LARGE1: variants seen among roughly 807,000 people sequenced by gnomAD.
LARGE1 encodes the protein xylosyl- and glucuronyltransferase LARGE1.
In LARGE1, 43 loss-of-function variants were observed where a neutral mutation model predicts 87.6. That is an observed-to-expected ratio of 0.49 (90% confidence interval 0.38 to 0.63). LARGE1 has a LOEUF of 0.63. Among genes scored for constraint, LARGE1 ranks in the 30% least tolerant of loss-of-function variants. The pLI, the probability that LARGE1 is intolerant of heterozygous loss-of-function variation, is 0.00. For missense variants in LARGE1, 802 were observed against 1,000.2 expected, an observed-to-expected ratio of 0.80 and a Z score of 2.67; for synonymous variants, 434 against 394.6, an observed-to-expected ratio of 1.10 and a Z score of -1.18.
chr22:33,410,384 T>C (rs1024223758), intron 7 of LARGE1, among the ~76,000 whole-genome samples: 8 of 151,854 alleles, frequency 5.3e-5, no homozygotes, highest in Non-Finnish European at 1.2e-4. Flanking sequence ...AATCCCCACA[T>C]GCCTAGGGAG....
chr22:33,735,928 G>A (rs534552522), intron 2 of LARGE1, among the ~76,000 whole-genome samples: 6 of 152,254 alleles, frequency 3.9e-5, no homozygotes, highest in South Asian at 4.2e-4. Flanking sequence ...TCCACGTAGC[G>A]TGTTTTCAAA....
chr22:33,349,177 G>A (rs1940115743), intron 9 of LARGE1, among the ~76,000 whole-genome samples: 1 of 152,116 alleles, frequency 6.6e-6, no homozygotes, highest in South Asian at 2.1e-4. Flanking sequence ...TTGGTTCTCA[G>A]GCCTTCAGAC....
At chr22:33,209,645 T>A (rs1292181284) in intron 11 of LARGE1, among the ~76,000 whole-genome samples, 1 of 152,114 alleles carries the variant, frequency 6.6e-6, no homozygotes, top group Non-Finnish European at 1.5e-5. Context: ...CAGTTCTCAA[T>A]CGTTTCTTTT....
chr22:33,684,127 T>G (rs1488382763), intron 2 of LARGE1, among the ~76,000 whole-genome samples: 1 of 152,150 alleles, frequency 6.6e-6, no homozygotes, highest in Non-Finnish European at 1.5e-5. Context: ...CGAACGTGCT[T>G]GCTCTTAAGT....
At chr22:33,839,172 A>G (rs2063196807) in intron 1 of LARGE1, among the ~76,000 whole-genome samples, 1 of 152,240 alleles carries the variant, frequency 6.6e-6, no homozygotes, top group Non-Finnish European at 1.5e-5. Context: ...CATCTTCTGC[A>G]CTTCTGGAGA....
intron 1 of LARGE1, among the ~76,000 whole-genome samples, chr22:33,895,931 C>T (rs62225069): frequency 0.042 from 6,405 of 151,834 alleles, 160 homozygotes; most frequent in South Asian, 0.064. Flanking sequence ...TAGTAAAATA[C>T]ACATCACATA....
chr22:33,749,578 C>T (rs1373106098), intron 2 of LARGE1, among the ~76,000 whole-genome samples: 3 of 152,132 alleles, frequency 2.0e-5, no homozygotes, highest in African/African-American at 7.2e-5. Flanking sequence ...ATAAAAAGTC[C>T]TTCTGTAATT....
intron 9 of LARGE1, among the ~76,000 whole-genome samples, chr22:33,361,100 C>A (rs2064371944): frequency 6.7e-6 from 1 of 149,206 alleles, no homozygotes; most frequent in Non-Finnish European, 1.5e-5. Context: ...GTAATCCCAG[C>A]TACTCGGGAG....
intron 1 of LARGE1, among the ~76,000 whole-genome samples, chr22:33,881,036 C>T (rs1042872049): frequency 1.3e-5 from 2 of 151,574 alleles, no homozygotes; most frequent in African/African-American, 4.8e-5. Context: ...TCCTTGTCTA[C>T]TTAATAAGTA....
chr22:33,768,346 G>A (rs1386028997), intron 1 of LARGE1, among the ~76,000 whole-genome samples: 3 of 152,012 alleles, frequency 2.0e-5, no homozygotes, highest in Non-Finnish European at 4.4e-5. Context: ...ACCATTGAAA[G>A]ATGTTAGCTT....
At chr22:33,515,014 G>C (rs1022933207) in intron 6 of LARGE1, among the ~76,000 whole-genome samples, 5 of 151,540 alleles carry the variant, frequency 3.3e-5, no homozygotes, top group African/African-American at 1.2e-4. Flanking sequence ...TCTTTATTTT[G>C]CTATTGAAAA....
At chr22:33,631,132 CA>C (rs2080097699) in intron 3 of LARGE1, among the ~76,000 whole-genome samples, 1 of 151,132 alleles carries the variant, frequency 6.6e-6, no homozygotes, top group African/African-American at 2.4e-5. Context: ...GGATTACAGG[CA>C]TGAGCCACTG....
chr22:33,347,382 G>A (rs1939884496), intron 9 of LARGE1, among the ~76,000 whole-genome samples: 1 of 152,166 alleles, frequency 6.6e-6, no homozygotes, highest in Non-Finnish European at 1.5e-5. Flanking sequence ...TTCAGTAGCT[G>A]CCCTTTGGTT....
intron 6 of LARGE1, among the ~76,000 whole-genome samples, chr22:33,509,700 C>T (rs1174335210): frequency 2.0e-5 from 3 of 152,188 alleles, no homozygotes; most frequent in Non-Finnish European, 4.4e-5. Flanking sequence ...GATCCTCCCA[C>T]CTTGGCCTCT....
At chr22:33,749,396 A>G (rs1318086311) in intron 2 of LARGE1, among the ~76,000 whole-genome samples, 1 of 152,208 alleles carries the variant, frequency 6.6e-6, no homozygotes, top group African/African-American at 2.4e-5. Context: ...TACAGCTGTG[A>G]GCCACAGCGC....
At chr22:33,643,296 A>G (rs2080502679) in intron 3 of LARGE1, among the ~76,000 whole-genome samples, 1 of 152,208 alleles carries the variant, frequency 6.6e-6, no homozygotes, top group Non-Finnish European at 1.5e-5. Flanking sequence ...CTGAATGACT[A>G]CTGGGTAAAT....
intron 2 of LARGE1, among the ~76,000 whole-genome samples, chr22:33,729,717 G>C (rs975111305): frequency 1.3e-5 from 2 of 152,172 alleles, no homozygotes; most frequent in African/African-American, 4.8e-5. Flanking sequence ...TCAACAACAG[G>C]AACACAGGAT....
chr22:33,870,248 GAC>G (rs1368149374), intron 1 of LARGE1, among the ~76,000 whole-genome samples: 1 of 152,138 alleles, frequency 6.6e-6, no homozygotes, highest in Non-Finnish European at 1.5e-5. Flanking sequence ...GGCCAGGAAG[GAC>G]ACAGTTTCAG....
At position 33,274,339 on chromosome 22, in the gene LARGE1, C is replaced by T. The variant is rs1928721756; in HGVS notation, c.*88G>A. The T allele has an allele frequency of 7.3e-7, 1 of 1,370,350 alleles. No individual in the cohort carries two copies. The highest frequency in any genetic ancestry group is 1.7e-5 in the Admixed American group (1 of 59,692). 84.9% of individuals were successfully genotyped at this position (1,370,350 alleles called of 1,614,324 possible). On this transcript the variant is annotated 3_prime_UTR_variant, in exon 15 of 15. Coordinates refer to ENST00000397394, the MANE Select transcript of LARGE1 (RefSeq NM_133642.5). ...ATAAAAACAAACCGAAAAAGCATGGCTCAATTTTGAATTTGAAGGCCGGGC... is the reference window on the plus strand; with the variant it reads ...ATAAAAACAAACCGAAAAAGCATGGTTCAATTTTGAATTTGAAGGCCGGGC...
Sources: allele counts gnomAD v4.1 joint callset (sites outside exome capture counted in the v4.1 genomes callset), GRCh38; gene constraint gnomAD v4.1.1; transcripts MANE v1.5; gene names NCBI Gene and HGNC (gene_info 2026-07-23, HGNC 2026-07-21).